SNRPN: variants seen among roughly 807,000 people sequenced by gnomAD.
SNRPN encodes the protein small nuclear ribonucleoprotein-associated protein N.
A neutral mutation model predicts 25.2 loss-of-function variants in SNRPN; 7 were observed. The ratio of observed to expected loss-of-function variants is 0.28; its 90% CI spans 0.16 to 0.52. SNRPN has a LOEUF of 0.52. SNRPN is among the 20% of genes least tolerant of loss of function. The pLI is 0.96. For synonymous variants in SNRPN, 124 were observed against 110.6 expected (o/e 1.12, Z -0.76); for missense variants, 196 against 322.5 (o/e 0.61, Z 3.00).
At chr15:24,973,165 G>T (rs2076648624) in intron 3 of SNRPN, among the ~76,000 whole-genome samples, 1 of 151,886 alleles carries the variant, frequency 6.6e-6, no homozygotes, top group South Asian at 2.1e-4. Context: ...TTGGGATTAT[G>T]GGCGTGAGCC....
chr15:24,887,338 A>G (rs1478664129), intron 2 of SNRPN, among the ~76,000 whole-genome samples: 1 of 151,772 alleles, frequency 6.6e-6, no homozygotes, highest in Non-Finnish European at 1.5e-5. Context: ...AGTAGAGACA[A>G]GGTTTCACCA....
intron 2 of SNRPN, among the ~76,000 whole-genome samples, chr15:24,892,218 G>C (rs2057737184): frequency 6.6e-6 from 1 of 152,126 alleles, no homozygotes; most frequent in Non-Finnish European, 1.5e-5. Context: ...TTCAGCCTTG[G>C]TACTTACTTT....
intron 2 of SNRPN, among the ~76,000 whole-genome samples, chr15:24,917,691 G>A (rs1041912494): frequency 1.2e-4 from 18 of 152,252 alleles, no homozygotes; most frequent in African/African-American, 3.9e-4. Context: ...TGAGGATGTT[G>A]GTGCTGCTCT....
At chr15:24,912,145 C>T (rs868515828) in intron 2 of SNRPN, among the ~76,000 whole-genome samples, 28 of 152,156 alleles carry the variant, frequency 1.8e-4, no homozygotes, top group African/African-American at 5.8e-4. Flanking sequence ...TTGCCTATTT[C>T]CTCCACCAAC....
At chr15:24,889,489 T>C (rs1410874043) in intron 2 of SNRPN, among the ~76,000 whole-genome samples, 1 of 150,994 alleles carries the variant, frequency 6.6e-6, no homozygotes, top group Non-Finnish European at 1.5e-5. Flanking sequence ...GTATTTTTAG[T>C]AGAGACAGGG....
chr15:24,883,464 A>G lies in SNRPN; in HGVS notation c.-578-3052A>G, dbSNP rs192336462. On this transcript the variant is annotated intron_variant, in intron 1 of 11. Coordinates refer to the SNRPN transcript ENST00000400097. ...GCTCAGGGCCAGTTTTATAATCCCT[A>G]CCCCCTCAACAAACACACTCCACTC... 2.2e-4 allele frequency among the ~76,000 whole-genome samples: 34 copies of G among 151,490 alleles called. No homozygotes were observed. The East Asian group carries it at 6.5e-3, about 29-fold the overall frequency.
intron 3 of SNRPN, among the ~76,000 whole-genome samples, chr15:24,948,396 G>A (rs1270998056): frequency 6.6e-6 from 1 of 152,126 alleles, no homozygotes; most frequent in African/African-American, 2.4e-5. Context: ...ACAGGTGTGA[G>A]CCACCGCACC....
At chr15:24,882,905 C>A (rs1007674571) in intron 1 of SNRPN, among the ~76,000 whole-genome samples, 10 of 151,628 alleles carry the variant, frequency 6.6e-5, no homozygotes, top group Admixed American at 6.6e-5. Context: ...ATTGGCCCAG[C>A]CTTGAGCACT....
chr15:24,843,713 C>G (rs941434979), intron 2 of SNRPN, among the ~76,000 whole-genome samples: 1 of 151,728 alleles, frequency 6.6e-6, no homozygotes, highest in East Asian at 1.9e-4. Context: ...CTTGAACCCA[C>G]GAGGCAGAGG....
Position 24,942,892 on chromosome 15 carries a change from A to T in SNRPN, c.-390-19222A>T, listed in dbSNP as rs77246286. 7.8e-4 allele frequency among the ~76,000 whole-genome samples: 118 copies of T among 152,250 alleles called. No homozygotes were observed. In the East Asian group the frequency reaches 0.021, roughly 27 times the overall value. ...AACCTTCATCCCTGCCATCATGGCC[A>T]CTTCGTTTATAATCCCATTGGGCAA... On this transcript the variant is annotated intron_variant, in intron 3 of 11. Coordinates refer to the SNRPN transcript ENST00000400097.
chr15:24,962,048 T>A, intron 1 of SNRPN, 66 bp from the exon 2 acceptor site: 1 of 1,301,206 alleles, frequency 7.7e-7, no homozygotes. Context: ...AAATATAACC[T>A]TGACAAATAG....
intron 2 of SNRPN, among the ~76,000 whole-genome samples, chr15:24,846,916 A>G (rs1185634318): frequency 6.6e-6 from 1 of 152,186 alleles, no homozygotes. Flanking sequence ...AGAAAAAACA[A>G]ATGTGCGGGA....
intron 2 of SNRPN, among the ~76,000 whole-genome samples, chr15:24,967,513 G>T (rs2075813985): frequency 6.6e-6 from 1 of 151,986 alleles, no homozygotes; most frequent in Admixed American, 6.6e-5. Flanking sequence ...GTGGTGGCAG[G>T]CACCTGTAGT....
chr15:24,848,015 T>G, intron 2 of SNRPN, among the ~76,000 whole-genome samples: 1 of 151,996 alleles, frequency 6.6e-6, no homozygotes, highest in Non-Finnish European at 1.5e-5. Context: ...ATAAAACGTT[T>G]TCCACTCTGA....
intron 2 of SNRPN, among the ~76,000 whole-genome samples, chr15:24,892,868 A>G (rs1283483442): frequency 6.6e-6 from 1 of 152,134 alleles, no homozygotes; most frequent in Non-Finnish European, 1.5e-5. Flanking sequence ...ATAAGTTTAC[A>G]TGGGAAGATC....
At chr15:24,883,314 C>T (rs2056904381) in intron 1 of SNRPN, among the ~76,000 whole-genome samples, 2 of 152,246 alleles carry the variant, frequency 1.3e-5, no homozygotes, top group Non-Finnish European at 2.9e-5. Context: ...CCCTGTACAT[C>T]AGCCTGCAGG....
At chr15:24,900,564 A>C (rs552673402) in intron 2 of SNRPN, among the ~76,000 whole-genome samples, 44 of 152,328 alleles carry the variant, frequency 2.9e-4, no homozygotes, top group Non-Finnish European at 5.4e-4. Flanking sequence ...CCTACAAATC[A>C]TCACTTTTTG....
At chr15:24,837,056 G>A (rs1209134542) in intron 2 of SNRPN, among the ~76,000 whole-genome samples, 1 of 151,976 alleles carries the variant, frequency 6.6e-6, no homozygotes, top group East Asian at 1.9e-4. Flanking sequence ...GTGTGCCAGG[G>A]TGCCATACAT....
chr15:24,896,230 C>T (rs920633208), intron 2 of SNRPN, among the ~76,000 whole-genome samples: 1 of 152,106 alleles, frequency 6.6e-6, no homozygotes, highest in African/African-American at 2.4e-5. Context: ...AGCATGGTGA[C>T]AGTAGTGGAA....
Sources: allele counts gnomAD v4.1 joint callset (sites outside exome capture counted in the v4.1 genomes callset), GRCh38; gene constraint gnomAD v4.1.1; transcripts MANE v1.5; gene names NCBI Gene and HGNC (gene_info 2026-07-23, HGNC 2026-07-21).